ADGB: variants seen among roughly 807,000 people sequenced by gnomAD.
ADGB encodes calpain-7-like protein.
A neutral mutation model predicts 210.5 loss-of-function variants in ADGB; 172 were observed. The observed-to-expected ratio is 0.82, with a 90% CI of 0.72 to 0.93. ADGB has a LOEUF of 0.93. ADGB is among the 40% of genes least tolerant of loss of function. ADGB has a pLI of 0.00. For synonymous variants in ADGB, 658 were observed against 662.7 expected, an observed-to-expected ratio of 0.99 and a Z score of 0.11; for missense variants, 2,025 against 1,964.8, an observed-to-expected ratio of 1.03 and a Z score of -0.58.
At chr6:146,675,739 TTGAGTATA>T (rs1226938752) in intron 8 of ADGB, among the ~76,000 whole-genome samples, 1 of 152,090 alleles carries the variant, frequency 6.6e-6, no homozygotes, top group East Asian at 1.9e-4. Flanking sequence ...GTTTTGTGGA[TTGAGTATA>T]TGAATGAGCA....
intron 13 of ADGB, among the ~76,000 whole-genome samples, chr6:146,713,003 G>T (rs1776681030): frequency 1.3e-5 from 2 of 151,416 alleles, no homozygotes; most frequent in African/African-American, 4.9e-5. Context: ...GAATAATAAA[G>T]TATTTCTGTT....
Position 146,716,977 on chromosome 6 carries a change from A to G in ADGB, c.1836A>G (p.Thr612=). ...EREIVSQTTA[T]QEKSQEELPT... ...AGATAGTCAGCCAGACCACAGCAAC[A>G]CAGGAAAAGTCACAGGAAGAACTTC... The change falls in exon 15 of 36, where the codon ACA becomes ACG. Residue 612 remains threonine, a synonymous_variant. Coordinates refer to ENST00000397944, the MANE Select transcript of ADGB (RefSeq NM_024694.4). 6.4e-7 allele frequency: 1 copy of G among 1,551,664 alleles called. No individual in the cohort carries two copies. The highest frequency in any genetic ancestry group is 2.0e-5 in the Admixed American group (1 of 51,006).
At chr6:146,728,778 A>G (rs1320480657) in intron 20 of ADGB, 37 bp downstream of exon 20, 2 of 1,450,342 alleles carry the variant, frequency 1.4e-6, no homozygotes, top group African/African-American at 1.4e-5. Context: ...AGAAGAGGAA[A>G]CTTTCTTTTC....
rs1777849451 is a variant in ADGB at position 146,784,748 on chromosome 6, C to A, written c.4166C>A (p.Ala1389Asp). ...KDTERADEIRAMKQAWETTEP... is the reference protein window; with the variant it reads ...KDTERADEIRDMKQAWETTEP... ...ACAGAAAGGGCAGATGAAATCCGAG[C>A]CATGAAACAAGCCTGGGAGACAACT... is the stretch of plus-strand genomic sequence containing the variant. The change falls in exon 31 of 36, where the codon GCC becomes GAC. Residue 1389 changes from alanine to aspartate, a missense_variant. Physicochemically the swap from Ala to Asp is moderately radical, Grantham distance 126. Coordinates refer to ENST00000397944, the MANE Select transcript of ADGB (RefSeq NM_024694.4). The A allele has an allele frequency of 1.3e-6, 2 of 1,550,820 alleles. No individual in the cohort carries two copies. Among genetic ancestry groups the A allele is most frequent in the Non-Finnish European group, 1.7e-6 (2 of 1,146,564 alleles).
rs757275054 is a variant in ADGB at position 146,740,464 on chromosome 6, T to A, written c.2894T>A (p.Met965Lys). 6.5e-7 allele frequency: 1 copy of A among 1,538,050 alleles called. No individual in the cohort carries two copies. The highest frequency in any genetic ancestry group is 2.5e-5 in the East Asian group (1 of 40,718). Residue 965 changes from methionine (M) to lysine (K), a missense_variant, in exon 24 of 36, where the codon ATG becomes AAG. Met to Lys is a moderately conservative substitution (Grantham distance 95). Coordinates refer to ENST00000397944, the MANE Select transcript of ADGB (RefSeq NM_024694.4). The part of the protein sequence containing the change: ...EQYAVSLLRL[M>K]FKSKCKSLES... Reference sequence around the variant, plus strand: ...ATTTATTTTTATATTTCTAGACTAATGTTTAAAAGCAAGTGCAAGTCTTTG... The same window carrying A: ...ATTTATTTTTATATTTCTAGACTAAAGTTTAAAAGCAAGTGCAAGTCTTTG...
chr6:146,634,509 T>C (rs1485820395), intron 1 of ADGB, among the ~76,000 whole-genome samples: 1 of 152,088 alleles, frequency 6.6e-6, no homozygotes, highest in Non-Finnish European at 1.5e-5. Flanking sequence ...AACTTGAACA[T>C]TAAATAATAT....
chr6:146,784,391 A>G (rs1247248329), intron 30 of ADGB, among the ~76,000 whole-genome samples: 1 of 152,190 alleles, frequency 6.6e-6, no homozygotes, highest in Non-Finnish European at 1.5e-5. Flanking sequence ...ATATGACTAT[A>G]TTACAATTTG....
chr6:146,714,171 A>T (rs1201369025), intron 13 of ADGB, among the ~76,000 whole-genome samples: 1 of 152,182 alleles, frequency 6.6e-6, no homozygotes, highest in Non-Finnish European at 1.5e-5. Flanking sequence ...ATATATATTT[A>T]AGAAATTTAA....
At chr6:146,649,341 A>G (rs1434473440) in intron 3 of ADGB, among the ~76,000 whole-genome samples, 1 of 151,974 alleles carries the variant, frequency 6.6e-6, no homozygotes, top group Non-Finnish European at 1.5e-5. Flanking sequence ...CACAAAGATT[A>G]TTTTGTTTTT....
intron 3 of ADGB, among the ~76,000 whole-genome samples, chr6:146,647,272 C>CTAA (rs1225856541): frequency 2.6e-5 from 4 of 151,432 alleles, no homozygotes; most frequent in East Asian, 3.9e-4. Flanking sequence ...AATCAAAAAT[C>CTAA]TAATAATAAT....
intron 12 of ADGB, among the ~76,000 whole-genome samples, chr6:146,698,767 G>A (rs535230406): frequency 4.0e-5 from 6 of 151,818 alleles, no homozygotes; most frequent in Non-Finnish European, 5.9e-5. Context: ...TTTGTTTTTT[G>A]AGATGGGGTC....
chr6:146,652,942 G>C (rs1192039897), intron 3 of ADGB, among the ~76,000 whole-genome samples: 1 of 152,088 alleles, frequency 6.6e-6, no homozygotes, highest in Non-Finnish European at 1.5e-5. Flanking sequence ...TCTGTGGCCT[G>C]TTAGGAACCG....
intron 20 of ADGB, among the ~76,000 whole-genome samples, chr6:146,729,511 T>A (rs1389858177): frequency 1.3e-5 from 2 of 152,102 alleles, no homozygotes; most frequent in Admixed American, 6.5e-5. Context: ...TCATAGGTCA[T>A]TGCAGCCTGA....
In ADGB at chr6:146,788,406, G is replaced by A. The variant is rs1274565345; in HGVS notation, c.4333G>A (p.Gly1445Ser). The change falls in exon 33 of 36, where the codon GGC becomes AGC. Residue 1445 changes from glycine (G) to serine (S), a missense_variant. Transcript: ENST00000397944. ...TGTTGTAGTAGAAACAGCTGCACGTGGCGTAAAAGAACCAAACTCAAAGAA... is the reference window on the plus strand; with the variant it reads ...TGTTGTAGTAGAAACAGCTGCACGTAGCGTAAAAGAACCAAACTCAAAGAA... ...PKEEVETAAR[G>S]VKEPNSKNSA... is the part of the protein sequence containing the mutation. 5 of 1,551,386 alleles carry A rather than the reference G, an allele frequency of 3.2e-6. No individual in the cohort carries two copies. In the Admixed American group the frequency reaches 5.9e-5, roughly 18 times the overall value.
intron 29 of ADGB, among the ~76,000 whole-genome samples, chr6:146,777,063 G>A (rs1410447164): frequency 2.0e-5 from 3 of 151,908 alleles, no homozygotes; most frequent in Admixed American, 2.0e-4. Flanking sequence ...CAGTCTGGTA[G>A]GGTGGTTTGT....
At chr6:146,810,932 T>G (rs1419309285) in intron 35 of ADGB, among the ~76,000 whole-genome samples, 1 of 152,192 alleles carries the variant, frequency 6.6e-6, no homozygotes, top group Non-Finnish European at 1.5e-5. Flanking sequence ...ATATTAATCA[T>G]TCAGTGTACA....
At chr6:146,737,685 G>A (rs1308034945) in intron 23 of ADGB, among the ~76,000 whole-genome samples, 1 of 152,092 alleles carries the variant, frequency 6.6e-6, no homozygotes, top group Admixed American at 6.5e-5. Flanking sequence ...TTTGTATTTT[G>A]GGGCTACCAG....
intron 9 of ADGB, among the ~76,000 whole-genome samples, chr6:146,678,995 C>A (rs1453378343): frequency 6.6e-6 from 1 of 152,148 alleles, no homozygotes; most frequent in Non-Finnish European, 1.5e-5. Context: ...CTACCTCTAG[C>A]ATTCTAAAGT....
At chr6:146,668,076 T>A (rs1775960871) in intron 7 of ADGB, among the ~76,000 whole-genome samples, 1 of 152,102 alleles carries the variant, frequency 6.6e-6, no homozygotes, top group South Asian at 2.1e-4. Context: ...TGCTGACTTA[T>A]AATTTCACGA....
Sources: gnomAD v4.1 joint callset for allele counts (sites outside exome capture counted in the v4.1 genomes callset) on GRCh38, gnomAD v4.1.1 for gene constraint, MANE v1.5 for transcripts, NCBI Gene and HGNC (gene_info 2026-07-23, HGNC 2026-07-21) for gene names.